TRAPPC12: variants seen among roughly 807,000 people sequenced by gnomAD.
The protein encoded by TRAPPC12 is trafficking protein particle complex subunit 12.
A neutral mutation model predicts 69.2 loss-of-function variants in TRAPPC12; 61 were observed. That is an observed-to-expected ratio of 0.88 (90% CI 0.72 to 1.09). The LOEUF is 1.09. TRAPPC12 is among the 50% of genes least tolerant of loss of function. TRAPPC12 has a pLI of 0.00. For synonymous variants in TRAPPC12, 469 were observed against 438.9 expected, an observed-to-expected ratio of 1.07 and a Z score of -0.86; for missense variants, 1,101 against 1,016.4, an observed-to-expected ratio of 1.08 and a Z score of -1.13.
At chr2:3,439,826 T>C (rs540275759) in intron 5 of TRAPPC12, among the ~76,000 whole-genome samples, 19 of 152,200 alleles carry the variant, frequency 1.2e-4, no homozygotes, top group Admixed American at 1.0e-3. Context: ...TTTTGCACTT[T>C]ACATGTAGTC....
chr2:3,447,941 G>A (rs1050833577), intron 6 of TRAPPC12, among the ~76,000 whole-genome samples: 1 of 152,136 alleles, frequency 6.6e-6, no homozygotes, highest in African/African-American at 2.4e-5. Flanking sequence ...TCGGTCCGTG[G>A]ACTGCCCTTT....
chr2:3,432,709 G>A (rs1005148347), intron 5 of TRAPPC12, among the ~76,000 whole-genome samples: 17 of 152,126 alleles, frequency 1.1e-4, no homozygotes, highest in Non-Finnish European at 2.1e-4. Flanking sequence ...TTTGCCCACC[G>A]TTTTTATGAA....
chr2:3,387,988 A>G lies in TRAPPC12; in HGVS notation c.365A>G (p.Asp122Gly). 6.8e-7 allele frequency: 1 copy of G among 1,473,274 alleles called. No individual in the cohort carries two copies. The highest frequency in any genetic ancestry group is 8.9e-7 in the Non-Finnish European group (1 of 1,118,704). 91.3% of individuals were successfully genotyped at this position (1,473,274 alleles called of 1,614,324 possible). A position where few individuals can be genotyped will look rare whatever the true frequency, so the allele number is the denominator to read the frequency against. Residue 122 changes from aspartate to glycine, a missense_variant, in exon 2 of 12, where the codon GAC (aspartate) becomes GGC (glycine). Transcript: ENST00000324266. ...GEADGDCAPE[D>G]AAPSSGGAPR... Reference sequence around the variant, plus strand: ...GCCGACGGCGACTGTGCCCCCGAGGACGCGGCACCCAGTAGCGGAGGGGCC... The same window carrying G: ...GCCGACGGCGACTGTGCCCCCGAGGGCGCGGCACCCAGTAGCGGAGGGGCC...
chr2:3,438,514 A>G (rs1252985150), intron 5 of TRAPPC12, among the ~76,000 whole-genome samples: 1 of 89,434 alleles, frequency 1.1e-5, no homozygotes, highest in Non-Finnish European at 2.2e-5. Context: ...CCCTGGATCA[A>G]TCCCCCCAAT....
At chr2:3,407,955 T>C (rs949608338) in intron 3 of TRAPPC12, among the ~76,000 whole-genome samples, 2 of 152,136 alleles carry the variant, frequency 1.3e-5, no homozygotes, top group Non-Finnish European at 2.9e-5. Flanking sequence ...TGGCTCTGGC[T>C]CTCACAGTAG....
At chr2:3,430,629 C>A (rs1663374161) in intron 5 of TRAPPC12, among the ~76,000 whole-genome samples, 1 of 152,218 alleles carries the variant, frequency 6.6e-6, no homozygotes, top group South Asian at 2.1e-4. Context: ...CTGGGAAATA[C>A]TATTTTCAAC....
At chr2:3,417,841 G>A (rs1383258550) in intron 3 of TRAPPC12, among the ~76,000 whole-genome samples, 2 of 147,088 alleles carry the variant, frequency 1.4e-5, no homozygotes, top group African/African-American at 2.6e-5. Context: ...TCAGGAGCTC[G>A]AGACCAGCCT....
intron 5 of TRAPPC12, among the ~76,000 whole-genome samples, chr2:3,432,525 C>T (rs934746804): frequency 1.3e-5 from 2 of 152,118 alleles, no homozygotes; most frequent in Non-Finnish European, 2.9e-5. Flanking sequence ...TTTCCAGTGT[C>T]GGATTTTATT....
rs1458547053 is a variant in TRAPPC12 at position 3,387,956 on chromosome 2, C to T, written c.333C>T (p.Ser111=). The part of the protein sequence containing the change: ...GPEPAGTPSP[S]GEADGDCAPE... ...AGCCCGCGGGCACCCCGAGTCCCAG[C>T]GGCGAGGCCGACGGCGACTGTGCCC... Residue 111 remains serine (S), a synonymous_variant, in exon 2 of 12, where the codon AGC becomes AGT. Coordinates refer to ENST00000324266, the MANE Select transcript of TRAPPC12 (RefSeq NM_016030.6). 1 of 1,484,608 alleles carries T rather than the reference C, an allele frequency of 6.7e-7. No homozygotes were observed. Among genetic ancestry groups the T allele is most frequent in the South Asian group, 1.3e-5 (1 of 76,202 alleles). 92.0% of individuals were successfully genotyped at this position (1,484,608 alleles called of 1,614,324 possible). A position where few individuals can be genotyped will look rare whatever the true frequency, so the allele number is the denominator to read the frequency against.
In TRAPPC12 at chr2:3,388,182, G is replaced by GGC; in HGVS notation, c.562_563dup (p.Ser189ProfsTer111). 6.2e-7 allele frequency: 1 copy of GGC among 1,608,936 alleles called. No homozygotes were observed. The highest frequency in any genetic ancestry group is 8.5e-7 in the Non-Finnish European group (1 of 1,177,784). ...GATGGTGAAGTCGCCCAGCTTCGGT[G>GGC]GCGCCAGCGAGGCCTCGGCCAGGAC... On this transcript the variant is annotated frameshift_variant, in exon 2 of 12. Coordinates refer to ENST00000324266, the MANE Select transcript of TRAPPC12 (RefSeq NM_016030.6). LOFTEE classifies it high-confidence loss of function.
At chr2:3,409,553 AG>A (rs1246985860) in intron 3 of TRAPPC12, among the ~76,000 whole-genome samples, 4 of 152,050 alleles carry the variant, frequency 2.6e-5, no homozygotes, top group Non-Finnish European at 5.9e-5. Flanking sequence ...GTTCAAGATC[AG>A]CCCGAGCAAT....
At chr2:3,424,486 T>C (rs1662983527) in intron 4 of TRAPPC12, 39 bp from the exon 5 acceptor site, 1 of 1,599,178 alleles carries the variant, frequency 6.3e-7, no homozygotes, top group Admixed American at 1.8e-5. Context: ...ACTGGATATA[T>C]GTAGATAACC....
chr2:3,441,416 T>C (rs1664190891), intron 5 of TRAPPC12, among the ~76,000 whole-genome samples: 2 of 152,108 alleles, frequency 1.3e-5, no homozygotes, highest in Non-Finnish European at 2.9e-5. Context: ...TCTTTTACTG[T>C]TCATAGGATC....
At position 3,418,364 on chromosome 2, in the gene TRAPPC12, C is replaced by A. The variant is rs532434699; in HGVS notation, c.1165-3517C>A. ...GTTCTCTGTCACGTGACTACAGGAG[C>A]ATCTCCATTCCTGTGCCTCGTCCTC... On this transcript the variant is annotated intron_variant, in intron 3 of 11. Coordinates refer to ENST00000324266, the MANE Select transcript of TRAPPC12 (RefSeq NM_016030.6). 4.6e-5 allele frequency among the ~76,000 whole-genome samples: 7 copies of A among 152,198 alleles called. 1 individual carries two copies. Among genetic ancestry groups the A allele is most frequent in the Non-Finnish European group, 1.0e-4 (7 of 68,038 alleles).
intron 2 of TRAPPC12, among the ~76,000 whole-genome samples, chr2:3,393,361 A>G (rs923675451): frequency 1.3e-5 from 2 of 152,170 alleles, no homozygotes; most frequent in African/African-American, 2.4e-5. Context: ...GATGTTACTC[A>G]AAGGGTACAG....
chr2:3,465,542 G>A (rs961686167), intron 8 of TRAPPC12, 55 bp from the exon 9 acceptor site: 8 of 1,256,672 alleles, frequency 6.4e-6, no homozygotes, highest in South Asian at 1.2e-5. Flanking sequence ...CTACACGTGT[G>A]AAACCCACAG....
intron 9 of TRAPPC12, among the ~76,000 whole-genome samples, chr2:3,477,431 G>A (rs976657309): frequency 4.6e-5 from 7 of 152,062 alleles, no homozygotes; most frequent in African/African-American, 1.7e-4. Context: ...CATTCCAAAA[G>A]GTAAAAATTA....
intron 9 of TRAPPC12, chr2:3,467,728 T>C (rs1333577617): frequency 1.3e-5 from 2 of 152,308 alleles, no homozygotes; most frequent in South Asian, 2.1e-4. Context: ...ATCAGCCCAG[T>C]GGATGCCCGA....
At chr2:3,425,029 G>A (rs1198141314) in intron 5 of TRAPPC12, among the ~76,000 whole-genome samples, 4 of 152,222 alleles carry the variant, frequency 2.6e-5, no homozygotes, top group Admixed American at 6.5e-5. Flanking sequence ...GGAACCAAAC[G>A]TGTCCGTGCA....
Sources: allele counts gnomAD v4.1 joint callset (sites outside exome capture counted in the v4.1 genomes callset), GRCh38; gene constraint gnomAD v4.1.1; transcripts MANE v1.5; gene names NCBI Gene and HGNC (gene_info 2026-07-23, HGNC 2026-07-21).